Variants in KIAA1217 observed in about 807,000 individuals in gnomAD.
KIAA1217 encodes the protein KIAA1217.
Under a neutral mutation model 163.9 loss-of-function variants are expected in KIAA1217, and 88 were observed. The observed-to-expected ratio is 0.54, with a 90% CI of 0.45 to 0.64. The LOEUF (loss-of-function observed/expected upper bound fraction) is 0.64, where lower values mean the gene tolerates loss of function less well. Among genes scored for constraint, KIAA1217 ranks in the 30% least tolerant of loss-of-function variants. The probability of loss-of-function intolerance (pLI) is 0.00; values close to 1 mark genes in which losing one functional copy is unlikely to be tolerated. For missense variants in KIAA1217, 2,372 were observed against 2,475.0 expected, an observed-to-expected ratio of 0.96 and a Z score of 0.88; for synonymous variants, 903 against 923.1, an observed-to-expected ratio of 0.98 and a Z score of 0.39.
intron 1 of KIAA1217, among the ~76,000 whole-genome samples, chr10:23,862,752 C>T (rs1020104844): frequency 8.6e-5 from 13 of 151,514 alleles, no homozygotes; most frequent in African/African-American, 3.2e-4. Context: ...TCTTGTAGGC[C>T]AAGGTAAGGA....
chr10:24,293,942 C>A (rs1453812406), intron 2 of KIAA1217, among the ~76,000 whole-genome samples: 1 of 152,150 alleles, frequency 6.6e-6, no homozygotes, highest in Admixed American at 6.5e-5. Flanking sequence ...GCCTGGAATC[C>A]CAGCACTTTG....
At chr10:23,846,209 G>A (rs551455912) in intron 1 of KIAA1217, among the ~76,000 whole-genome samples, 5 of 152,164 alleles carry the variant, frequency 3.3e-5, no homozygotes, top group African/African-American at 7.2e-5. Flanking sequence ...TGTCTTGGCT[G>A]TGTGGGCTCT....
At chr10:24,267,722 A>G (rs958029452) in intron 2 of KIAA1217, among the ~76,000 whole-genome samples, 13 of 152,240 alleles carry the variant, frequency 8.5e-5, no homozygotes, top group Non-Finnish European at 1.6e-4. Context: ...TTAATGCTTA[A>G]TATGAGTAAT....
intron 2 of KIAA1217, among the ~76,000 whole-genome samples, chr10:24,136,307 A>T (rs2063830194): frequency 1.3e-5 from 2 of 152,192 alleles, no homozygotes; most frequent in Admixed American, 1.3e-4. Context: ...AAATGGATAA[A>T]TTATATCCAG....
In KIAA1217 at chr10:24,222,003, C is replaced by G. The variant is rs146447285; in HGVS notation, c.354+2094C>G. On this transcript the variant is annotated intron_variant, in intron 2 of 20. Transcript: ENST00000376454. ...CTCTAAAACAAAAGTATCAATTTTG[C>G]TGAGAAATATAGAAATTGGCCTGTC... 2.3e-4 allele frequency among the ~76,000 whole-genome samples: 35 copies of G among 152,278 alleles called. No homozygotes were observed. In the East Asian group the frequency reaches 6.8e-3, roughly 29 times the overall value.
chr10:23,927,633 G>A (rs541751685), intron 1 of KIAA1217, among the ~76,000 whole-genome samples: 1 of 152,154 alleles, frequency 6.6e-6, no homozygotes, highest in Admixed American at 6.5e-5. Context: ...CTAGGCTTTT[G>A]GTTATATATT....
At chr10:24,030,264 A>C (rs1483138502) in intron 2 of KIAA1217, among the ~76,000 whole-genome samples, 3 of 152,050 alleles carry the variant, frequency 2.0e-5, no homozygotes, top group African/African-American at 7.2e-5. Context: ...ATCTCATCTC[A>C]AATTTTAATC....
intron 1 of KIAA1217, among the ~76,000 whole-genome samples, chr10:23,957,204 G>T (rs1022124046): frequency 1.6e-4 from 25 of 152,060 alleles, no homozygotes; most frequent in Admixed American, 7.2e-4. Flanking sequence ...GTGTGTGCTG[G>T]CCCTCGTGTG....
intron 2 of KIAA1217, among the ~76,000 whole-genome samples, chr10:24,028,003 A>G (rs1345210809): frequency 3.9e-5 from 6 of 152,148 alleles, no homozygotes; most frequent in Non-Finnish European, 8.8e-5. Flanking sequence ...GGTAATGATG[A>G]GGAATACATG....
At chr10:24,504,262 G>A (rs2068051589) in intron 9 of KIAA1217, among the ~76,000 whole-genome samples, 2 of 152,174 alleles carry the variant, frequency 1.3e-5, no homozygotes, top group African/African-American at 4.8e-5. Flanking sequence ...AACTTTTCTG[G>A]CTTTCTGGGA....
intron 3 of KIAA1217, among the ~76,000 whole-genome samples, chr10:24,402,330 C>A (rs1009984451): frequency 6.6e-6 from 1 of 151,680 alleles, no homozygotes; most frequent in Admixed American, 6.6e-5. Context: ...CACGGTGAAA[C>A]CCTGTCTCTA....
chr10:23,738,915 C>T lies in KIAA1217; in HGVS notation c.-321+43681C>T, dbSNP rs1838954038. 2.6e-5 allele frequency among the ~76,000 whole-genome samples: 4 copies of T among 152,026 alleles called. No individual in the cohort carries two copies. The South Asian group carries it at 8.3e-4, about 31-fold the overall frequency. ...ACAAATAAATAAAACATTTGTACAT[C>T]AGATAGAGGGATGTGCCCTAGAGAA... On this transcript the variant is annotated intron_variant, in intron 1 of 18. Transcript: ENST00000376462.
chr10:24,056,173 C>T (rs550260172), intron 2 of KIAA1217, among the ~76,000 whole-genome samples: 1 of 152,058 alleles, frequency 6.6e-6, no homozygotes, highest in East Asian at 1.9e-4. Flanking sequence ...ATCTTGAGTC[C>T]AAAGAATAGT....
At chr10:24,102,370 T>A (rs1338440169) in intron 2 of KIAA1217, among the ~76,000 whole-genome samples, 1 of 152,152 alleles carries the variant, frequency 6.6e-6, no homozygotes, top group Non-Finnish European at 1.5e-5. Flanking sequence ...AACTCAAAGC[T>A]CTGATGAAAG....
chr10:23,696,284 A>G (rs1836034688), intron 1 of KIAA1217, among the ~76,000 whole-genome samples: 1 of 152,208 alleles, frequency 6.6e-6, no homozygotes, highest in East Asian at 1.9e-4. Flanking sequence ...CAGCTCGCCT[A>G]CCCTGCTCTC....
chr10:24,210,527 C>T (rs2067950187), intron 1 of KIAA1217, among the ~76,000 whole-genome samples: 1 of 147,354 alleles, frequency 6.8e-6, no homozygotes, highest in Admixed American at 6.9e-5. Flanking sequence ...ACCTCTGGGC[C>T]TGTCCTGAAA....
intron 1 of KIAA1217, among the ~76,000 whole-genome samples, chr10:23,955,257 GAAT>G (rs1459812798): frequency 6.6e-6 from 1 of 152,124 alleles, no homozygotes; most frequent in Non-Finnish European, 1.5e-5. Context: ...CCATTCACAA[GAAT>G]AATAGTATCC....
At chr10:24,027,918 C>G (rs1176641001) in intron 2 of KIAA1217, among the ~76,000 whole-genome samples, 1 of 152,084 alleles carries the variant, frequency 6.6e-6, no homozygotes, top group Non-Finnish European at 1.5e-5. Flanking sequence ...AGTTTCAAGT[C>G]TTGCTTAGGT....
chr10:23,790,223 A>G (rs1281331770), intron 1 of KIAA1217, among the ~76,000 whole-genome samples: 1 of 110,200 alleles, frequency 9.1e-6, no homozygotes, highest in Non-Finnish European at 1.8e-5. Flanking sequence ...ACACATATGC[A>G]TATGCACATA....
Sources: gnomAD v4.1 joint callset for allele counts (sites outside exome capture counted in the v4.1 genomes callset) on GRCh38, gnomAD v4.1.1 for gene constraint, MANE v1.5 for transcripts, NCBI Gene and HGNC (gene_info 2026-07-23, HGNC 2026-07-21) for gene names.